The following DNAJB6 variants were observed in gnomAD, a reference collection of about 807,000 sequenced individuals.
The protein encoded by DNAJB6 is DnaJ heat shock protein family (Hsp40) member B6, also known as dnaJ homolog subfamily B member 6.
DNAJB6 carries 16 observed loss-of-function variants against 42.7 expected under a neutral mutation model. That is an observed-to-expected ratio of 0.37 (90% CI 0.25 to 0.57). The LOEUF (loss-of-function observed/expected upper bound fraction) is 0.57, where lower values mean the gene tolerates loss of function less well. Among genes scored for constraint, DNAJB6 ranks in the 20% least tolerant of loss-of-function variants. The pLI is 0.74. For missense variants in DNAJB6, 347 were observed against 416.8 expected (o/e 0.83, Z 1.46); for synonymous variants, 170 against 163.5 (o/e 1.04, Z -0.30).
At chr7:157,367,293 A>G (rs1023480179) in intron 4 of DNAJB6, 80 bp from the exon 5 acceptor site, 22 of 948,312 alleles carry the variant, frequency 2.3e-5, no homozygotes, top group East Asian at 1.2e-4. Flanking sequence ...CATGATTTGT[A>G]TAATGTTTTG....
chr7:157,350,407 A>G (rs964088806), intron 1 of DNAJB6, among the ~76,000 whole-genome samples: 22 of 152,206 alleles, frequency 1.4e-4, no homozygotes, highest in African/African-American at 4.6e-4. Context: ...GCATAATTTG[A>G]ATAAGGACCA....
intron 1 of DNAJB6, among the ~76,000 whole-genome samples, chr7:157,344,551 C>T (rs1045521895): frequency 1.3e-5 from 2 of 151,794 alleles, no homozygotes; most frequent in African/African-American, 2.4e-5. Flanking sequence ...TAGAGAATAT[C>T]TTCCTGCTCT....
intron 2 of DNAJB6, among the ~76,000 whole-genome samples, chr7:157,361,468 G>T (rs7792758): frequency 6.6e-6 from 1 of 152,024 alleles, no homozygotes; most frequent in Admixed American, 6.5e-5. Flanking sequence ...CTACATGTTT[G>T]TTTAGGTCCA....
At chr7:157,387,424 A>G (rs778389492) in intron 8 of DNAJB6, among the ~76,000 whole-genome samples, 17 of 152,146 alleles carry the variant, frequency 1.1e-4, no homozygotes, top group African/African-American at 3.6e-4. Context: ...TTGTGCGATC[A>G]TAGAGCGCGC....
Position 157,386,394 on chromosome 7 carries a change from C to G in DNAJB6, c.691+783C>G. The stretch of plus-strand genomic sequence containing the variant: ...CACTTTAATAGCGTTTCGTGCTGTT[C>G]ATTCAGGTGGATGCCGCACCTCAGT... On this transcript the variant is annotated intron_variant, in intron 8 of 9. Coordinates refer to ENST00000262177, the MANE Select transcript of DNAJB6 (RefSeq NM_058246.4). 3 of 818,330 alleles carry G rather than the reference C, an allele frequency of 3.7e-6. No individual in the cohort carries two copies. In the South Asian group the frequency reaches 1.7e-4, roughly 45 times the overall value. The allele number at this position is 818,330 out of a possible 1,614,324, so 50.7% of individuals were successfully genotyped here.
At chr7:157,386,909 A>T (rs1170367774) in intron 8 of DNAJB6, among the ~76,000 whole-genome samples, 1 of 151,504 alleles carries the variant, frequency 6.6e-6, no homozygotes, top group East Asian at 1.9e-4. Context: ...TCACTTTGGG[A>T]CAGTCAAGGT....
At chr7:157,382,457 G>T in intron 6 of DNAJB6, 80 bp downstream of exon 6, 1 of 1,473,270 alleles carries the variant, frequency 6.8e-7, no homozygotes, top group Non-Finnish European at 9.1e-7. Context: ...TTTAGTTAGA[G>T]TGCTTTAAAA....
intron 1 of DNAJB6, among the ~76,000 whole-genome samples, chr7:157,350,721 ACT>A (rs891020385): frequency 2.7e-5 from 4 of 148,764 alleles, no homozygotes; most frequent in African/African-American, 9.9e-5. Flanking sequence ...ATGGAGTCTT[ACT>A]CTGTCTCCCA....
chr7:157,378,359 C>T (rs1329480955), intron 5 of DNAJB6: 2 of 152,192 alleles, frequency 1.3e-5, no homozygotes, highest in Admixed American at 1.3e-4. Flanking sequence ...ATAATACATG[C>T]TGGGTTTAAG....
chr7:157,374,699 AG>A (rs1276805807), intron 5 of DNAJB6, among the ~76,000 whole-genome samples: 3 of 152,106 alleles, frequency 2.0e-5, no homozygotes, highest in Admixed American at 6.6e-5. Context: ...TTAAATAGGG[AG>A]AGGAAATGGT....
chr7:157,382,122 A>C, intron 5 of DNAJB6, 124 bp from the exon 6 acceptor site: 2 of 1,121,084 alleles, frequency 1.8e-6, no homozygotes, highest in Non-Finnish European at 2.4e-6. Flanking sequence ...TCTTTTGTTA[A>C]AACCTCTTAA....
At chr7:157,409,727 C>T (rs1563153687) in intron 8 of DNAJB6, 68 bp from the exon 9 acceptor site, 3 of 1,446,640 alleles carry the variant, frequency 2.1e-6, no homozygotes, top group Non-Finnish European at 2.7e-6. Context: ...GCTTCCCTCC[C>T]TCTGCTCTGG....
At chr7:157,390,602 TGGGGTG>T (rs1801294055) in intron 8 of DNAJB6, among the ~76,000 whole-genome samples, 1 of 152,144 alleles carries the variant, frequency 6.6e-6, no homozygotes, top group South Asian at 2.1e-4. Context: ...TGCAGAAATG[TGGGGTG>T]GAGCCTCCTT....
intron 7 of DNAJB6, 114 bp from the exon 8 acceptor site, chr7:157,385,427 T>C: frequency 8.6e-7 from 1 of 1,164,458 alleles, no homozygotes; most frequent in Non-Finnish European, 1.2e-6. Flanking sequence ...TTTTACAGCC[T>C]GAAAATTACT....
chr7:157,406,401 G>A lies in DNAJB6; in HGVS notation c.692-3394G>A, dbSNP rs1795768566. Among the ~76,000 whole-genome samples, 3 of 152,208 alleles carry A rather than the reference G, an allele frequency of 2.0e-5. No homozygotes were observed. The South Asian group carries it at 6.2e-4, about 32-fold the overall frequency. ...GGGGAGTCCCTTGTGTGCTTGGCCT[G>A]GGGACACAGGACTGTGTCGGACTGC... is the stretch of plus-strand genomic sequence containing the variant. On this transcript the variant is annotated intron_variant, in intron 8 of 9. Coordinates refer to ENST00000262177, the MANE Select transcript of DNAJB6 (RefSeq NM_058246.4).
chr7:157,362,809 T>C (rs533859245), intron 2 of DNAJB6, among the ~76,000 whole-genome samples: 1 of 152,196 alleles, frequency 6.6e-6, no homozygotes, highest in African/African-American at 2.4e-5. Flanking sequence ...CTTTAATGAG[T>C]ATTTTTACAA....
intron 8 of DNAJB6, among the ~76,000 whole-genome samples, chr7:157,390,965 G>T (rs1222767613): frequency 1.3e-5 from 2 of 152,160 alleles, no homozygotes; most frequent in Non-Finnish European, 2.9e-5. Flanking sequence ...CCCCTAAGCA[G>T]TTGGGACTAC....
intron 3 of DNAJB6, 72 bp downstream of exon 3, chr7:157,363,342 C>T (rs981329742): frequency 2.0e-6 from 2 of 990,222 alleles, no homozygotes; most frequent in Non-Finnish European, 3.1e-6. Context: ...TGGGATCCTC[C>T]TCAGGGTAGC....
At chr7:157,341,646 C>T (rs1264401973) in intron 1 of DNAJB6, among the ~76,000 whole-genome samples, 1 of 152,142 alleles carries the variant, frequency 6.6e-6, no homozygotes, top group African/African-American at 2.4e-5. Context: ...TCCTCTCTGC[C>T]ACCTTGAGAT....
Sources: gnomAD v4.1 joint callset for allele counts (sites outside exome capture counted in the v4.1 genomes callset) on GRCh38, gnomAD v4.1.1 for gene constraint, MANE v1.5 for transcripts, NCBI Gene and HGNC (gene_info 2026-07-23, HGNC 2026-07-21) for gene names.